KCTD9: variants seen among roughly 807,000 people sequenced by gnomAD.
KCTD9 encodes potassium channel tetramerization domain containing 9.
A neutral mutation model predicts 53.3 loss-of-function variants in KCTD9; 17 were observed. That is an observed-to-expected ratio of 0.32 (90% CI 0.22 to 0.48). The LOEUF (loss-of-function observed/expected upper bound fraction) is 0.48, where lower values mean the gene tolerates loss of function less well. KCTD9 is among the 20% of genes least tolerant of loss of function. The pLI is 0.99. For missense variants in KCTD9, 179 were observed against 465.5 expected (o/e 0.38, Z 5.66); for synonymous variants, 128 against 162.7 (o/e 0.79, Z 1.62).
chr8:25,446,250 C>T lies in KCTD9; in HGVS notation c.49G>A (p.Val17Met). 1.2e-6 allele frequency: 2 copies of T among 1,613,752 alleles called. No homozygotes were observed. Among genetic ancestry groups the T allele is most frequent in the Non-Finnish European group, 1.7e-6 (2 of 1,179,782 alleles). Reference protein sequence around the residue: ...FLNGSPKNGKVVAVYGTLSDL... With the variant: ...FLNGSPKNGKMVAVYGTLSDL... Reference sequence around the variant, plus strand: ...GATAAAGTTCCATATACAGCAACCACCTGTAAACACACCAGAATAATATGA... The same window carrying T: ...GATAAAGTTCCATATACAGCAACCATCTGTAAACACACCAGAATAATATGA... Residue 17 changes from valine to methionine, a missense_variant and splice_region_variant, in exon 2 of 12, where the codon GTG (valine) becomes ATG (methionine). By Grantham distance (21) the Val-to-Met change is conservative (BLOSUM62 1). Coordinates refer to ENST00000221200, the MANE Select transcript of KCTD9 (RefSeq NM_017634.4).
intron 3 of KCTD9, 50 bp from the exon 4 acceptor site, chr8:25,440,723 G>T: frequency 7.8e-7 from 1 of 1,286,334 alleles, no homozygotes; most frequent in South Asian, 1.2e-5. Context: ...TGGGGATTCT[G>T]GGAAGATGGT....
intron 1 of KCTD9, among the ~76,000 whole-genome samples, chr8:25,452,034 A>G (rs1802329644): frequency 6.6e-6 from 1 of 152,228 alleles, no homozygotes. Flanking sequence ...ACAAGTATTT[A>G]TTGTGCATTA....
At chr8:25,443,471 T>A (rs1259429627) in intron 3 of KCTD9, among the ~76,000 whole-genome samples, 1 of 151,892 alleles carries the variant, frequency 6.6e-6, no homozygotes, top group Non-Finnish European at 1.5e-5. Context: ...TTAATAACAA[T>A]AAAAAAACCT....
intron 1 of KCTD9, among the ~76,000 whole-genome samples, chr8:25,447,711 A>G (rs1346987169): frequency 2.0e-5 from 3 of 152,246 alleles, no homozygotes; most frequent in African/African-American, 7.2e-5. Flanking sequence ...TGTTGAAGGC[A>G]AGAAAAATTT....
Position 25,451,710 on chromosome 8 carries a change from T to C in KCTD9, c.49-5460A>G, listed in dbSNP as rs532700681. ...AAATGGAACACCATGCCTAGTACGA[T>C]TGGCTAGTTTTAATTTACCTTTAAA... On this transcript the variant is annotated intron_variant, in intron 1 of 11. Coordinates refer to ENST00000221200, the MANE Select transcript of KCTD9 (RefSeq NM_017634.4). 9.2e-5 allele frequency among the ~76,000 whole-genome samples: 14 copies of C among 152,320 alleles called. No homozygotes were observed. The East Asian group carries it at 2.5e-3, about 27-fold the overall frequency.
rs765635481 is a variant in KCTD9, at chr8:25,458,272, T to A, written c.-26A>T. The A allele has an allele frequency of 6.2e-7, 1 of 1,608,510 alleles. No homozygotes were observed. The highest frequency in any genetic ancestry group is 1.1e-5 in the South Asian group (1 of 90,850). ...CGCGCTGCCCCCGCTGGGTCCTGAG[T>A]GAGCCGCCACCCTCCCACCTGGTCC... On this transcript the variant is annotated 5_prime_UTR_variant, in exon 1 of 12. Transcript: ENST00000221200.
chr8:25,445,559 C>T (rs1802200581), intron 2 of KCTD9, among the ~76,000 whole-genome samples: 1 of 152,114 alleles, frequency 6.6e-6, no homozygotes, highest in African/African-American at 2.4e-5. Context: ...TGTTAAGCAT[C>T]TTCCTGCTCC....
chr8:25,444,027 C>G (rs1279236948), intron 3 of KCTD9, among the ~76,000 whole-genome samples: 1 of 152,126 alleles, frequency 6.6e-6, no homozygotes, highest in Non-Finnish European at 1.5e-5. Context: ...AAGATCAAAA[C>G]TACCTTACTA....
In KCTD9 at chr8:25,429,705, T is replaced by G. The variant is rs993106285; in HGVS notation, c.*152A>C. ...GAAAAAAAGTCAGTTTTTTCCCTTA[T>G]GCACCACTCAAAACAAGCATAATCC... On this transcript the variant is annotated 3_prime_UTR_variant, in exon 12 of 12. Coordinates refer to ENST00000221200, the MANE Select transcript of KCTD9 (RefSeq NM_017634.4). 1 of 618,194 alleles carries G rather than the reference T, an allele frequency of 1.6e-6. No individual in the cohort carries two copies. The highest frequency in any genetic ancestry group is 3.0e-6 in the Non-Finnish European group (1 of 336,248). 38.3% of individuals were successfully genotyped at this position (618,194 alleles called of 1,614,324 possible). A position where few individuals can be genotyped will look rare whatever the true frequency, so the allele number is the denominator to read the frequency against.
Position 25,431,743 on chromosome 8 carries a change from G to A in KCTD9, c.1053+761C>T, listed in dbSNP as rs17053653. Among the ~76,000 whole-genome samples, 191 of 152,062 alleles carry A rather than the reference G, an allele frequency of 1.3e-3. 2 individuals are homozygous for A. The East Asian group carries it at 0.028, about 22-fold the overall frequency. ...GAAAGGGGCCTGCTACTCTGCTACC[G>A]AGAGCTATCAAGATATCTAGGCAAA... On this transcript the variant is annotated intron_variant, in intron 11 of 11. Coordinates refer to ENST00000221200, the MANE Select transcript of KCTD9 (RefSeq NM_017634.4).
intron 4 of KCTD9, 63 bp from the exon 5 acceptor site, chr8:25,439,727 CAA>C: frequency 6.2e-7 from 1 of 1,610,406 alleles, no homozygotes; most frequent in Non-Finnish European, 8.5e-7. Context: ...ATATTTAAGT[CAA>C]GAGTATACTC....
intron 6 of KCTD9, among the ~76,000 whole-genome samples, chr8:25,437,492 C>T (rs1802038960): frequency 6.6e-6 from 1 of 152,000 alleles, no homozygotes; most frequent in South Asian, 2.1e-4. Context: ...CTGGCCAACA[C>T]ATGGTGAAAC....
At chr8:25,458,112 A>G in intron 1 of KCTD9, 87 bp downstream of exon 1, 1 of 1,347,024 alleles carries the variant, frequency 7.4e-7, no homozygotes, top group East Asian at 2.5e-5. Flanking sequence ...CCTCTACCCA[A>G]CTTCACCGCT....
intron 9 of KCTD9, among the ~76,000 whole-genome samples, 191 bp from the exon 10 acceptor site, chr8:25,433,626 A>C (rs1181708534): frequency 2.0e-5 from 3 of 152,226 alleles, no homozygotes; most frequent in Non-Finnish European, 4.4e-5. Context: ...TTTGAAAGAA[A>C]AATTTTTTTA....
At chr8:25,455,381 T>C (rs887022961) in intron 1 of KCTD9, among the ~76,000 whole-genome samples, 3 of 152,200 alleles carry the variant, frequency 2.0e-5, no homozygotes, top group East Asian at 1.9e-4. Context: ...ATCCTATCAA[T>C]GGCTAATATT....
At chr8:25,456,920 T>TA (rs1288576363) in intron 1 of KCTD9, among the ~76,000 whole-genome samples, 5 of 152,234 alleles carry the variant, frequency 3.3e-5, no homozygotes, top group African/African-American at 1.2e-4. Flanking sequence ...AAATCTTTCT[T>TA]AGAGTAACAA....
intron 1 of KCTD9, among the ~76,000 whole-genome samples, chr8:25,451,824 C>T (rs1046590454): frequency 3.9e-5 from 6 of 152,058 alleles, no homozygotes; most frequent in Admixed American, 6.6e-5. Flanking sequence ...TTTATACCCA[C>T]AAGATTTATT....
At chr8:25,453,939 T>C (rs1417786183) in intron 1 of KCTD9, among the ~76,000 whole-genome samples, 1 of 152,236 alleles carries the variant, frequency 6.6e-6, no homozygotes, top group Admixed American at 6.5e-5. Context: ...TTATTAATGT[T>C]TAGCCTTCAG....
rs1300434088 is a variant in KCTD9 at position 25,457,253 on chromosome 8, C to T, written c.48+946G>A. On this transcript the variant is annotated intron_variant, in intron 1 of 11. Coordinates refer to ENST00000221200, the MANE Select transcript of KCTD9 (RefSeq NM_017634.4). ...TTACAGTGTTCCCCGAATGTGCAGG[C>T]AGCAGAGTATTTTGGCAACCAACAC... The T allele has an allele frequency of 1.3e-5, 6 of 451,422 alleles. No homozygotes were observed. The South Asian group carries it at 3.7e-4, about 28-fold the overall frequency. The allele number at this position is 451,422 out of a possible 1,614,324, so 28.0% of individuals were successfully genotyped here. A position where few individuals can be genotyped will look rare whatever the true frequency, so the allele number is the denominator to read the frequency against.
Sources: allele counts gnomAD v4.1 joint callset (sites outside exome capture counted in the v4.1 genomes callset), GRCh38; gene constraint gnomAD v4.1.1; transcripts MANE v1.5; gene names NCBI Gene and HGNC (gene_info 2026-07-23, HGNC 2026-07-21).